The following RBFOX1 variants were observed in gnomAD, a reference collection of about 807,000 sequenced individuals.
RBFOX1 encodes RNA binding fox-1 homolog 1.
In RBFOX1, 8 loss-of-function variants were observed where a neutral mutation model predicts 57.7. The ratio of observed to expected loss-of-function variants is 0.14; its 90% CI spans 0.08 to 0.25. The LOEUF is 0.25. Ranked by LOEUF, RBFOX1 falls within the 10% of genes least tolerant of loss-of-function variation. The pLI, the probability that RBFOX1 is intolerant of heterozygous loss-of-function variation, is 1.00. For missense variants in RBFOX1, 611 were observed against 548.5 expected, an observed-to-expected ratio of 1.11 and a Z score of -1.14; for synonymous variants, 326 against 222.4, an observed-to-expected ratio of 1.47 and a Z score of -4.15.
chr16:6,873,190 CGAG>C (rs2061253442), intron 3 of RBFOX1, among the ~76,000 whole-genome samples: 1 of 150,180 alleles, frequency 6.7e-6, no homozygotes, highest in Admixed American at 6.6e-5. Flanking sequence ...AAGGAATAAA[CGAG>C]GAGTAGAGAT....
At position 5,946,749 on chromosome 16, in the gene RBFOX1, C is replaced by T. The variant is rs750780434; in HGVS notation, c.351+79414C>T. ...GTGGGGCCAGTCTTGTGGGACTGGG[C>T]CCTCAACCTGTGGAATCTGATTCTA... On this transcript the variant is annotated intron_variant, in intron 4 of 19. Coordinates refer to the RBFOX1 transcript ENST00000641259. This position sits in a 1 kb window ranked among gnomAD's most constrained non-coding sequence, Gnocchi z 4.6. Among the ~76,000 whole-genome samples, 3 of 152,084 alleles carry T rather than the reference C, an allele frequency of 2.0e-5. No homozygotes were observed. The highest frequency in any genetic ancestry group is 4.4e-5 in the Non-Finnish European group (3 of 68,020).
At chr16:6,951,488 G>A (rs1447535609) in intron 3 of RBFOX1, among the ~76,000 whole-genome samples, 1 of 152,094 alleles carries the variant, frequency 6.6e-6, no homozygotes. Context: ...GGCTGAGTCT[G>A]GGGTGGTTTT....
chr16:5,254,890 T>C (rs2062544703), intron 1 of RBFOX1, among the ~76,000 whole-genome samples: 1 of 152,118 alleles, frequency 6.6e-6, no homozygotes, highest in Non-Finnish European at 1.5e-5. Context: ...AGGGTGAGCC[T>C]TTTGGGGTGA....
chr16:6,790,734 C>T (rs1039795058), intron 3 of RBFOX1, among the ~76,000 whole-genome samples: 1 of 152,116 alleles, frequency 6.6e-6, no homozygotes, highest in Non-Finnish European at 1.5e-5. Flanking sequence ...TTCTTCTTCT[C>T]CTGTGTCTCT....
chr16:5,807,012 C>G (rs1469996934), intron 3 of RBFOX1, among the ~76,000 whole-genome samples: 1 of 152,080 alleles, frequency 6.6e-6, no homozygotes, highest in Non-Finnish European at 1.5e-5. Context: ...GCTAGAGCTA[C>G]CCCCCGACAC....
intron 5 of RBFOX1, among the ~76,000 whole-genome samples, chr16:7,576,386 G>C (rs2093342245): frequency 6.6e-6 from 1 of 152,202 alleles, no homozygotes; most frequent in Admixed American, 6.5e-5. Context: ...GGCTGAAAGA[G>C]ATTTCCTTTT....
chr16:6,921,900 G>A (rs1188232614), intron 3 of RBFOX1, among the ~76,000 whole-genome samples: 1 of 152,108 alleles, frequency 6.6e-6, no homozygotes, highest in African/African-American at 2.4e-5. Context: ...TTATGCAAGG[G>A]TGAGAACACA....
At chr16:7,430,000 A>G (rs543870192) in intron 4 of RBFOX1, among the ~76,000 whole-genome samples, 16 of 152,320 alleles carry the variant, frequency 1.1e-4, no homozygotes, top group Admixed American at 2.6e-4. Flanking sequence ...CTCTTGGTCT[A>G]GGGCCATTTG....
chr16:6,887,558 T>A (rs1035247145), intron 3 of RBFOX1, among the ~76,000 whole-genome samples: 1 of 140,804 alleles, frequency 7.1e-6, no homozygotes. Flanking sequence ...AAAACACATA[T>A]ACTTTTTTTT....
At chr16:7,092,524 C>T (rs2061029741) in intron 4 of RBFOX1, among the ~76,000 whole-genome samples, 1 of 152,162 alleles carries the variant, frequency 6.6e-6, no homozygotes, top group Non-Finnish European at 1.5e-5. Flanking sequence ...ATGGCGATTC[C>T]AGAACTTATT....
chr16:6,785,044 T>C (rs961435378), intron 3 of RBFOX1, among the ~76,000 whole-genome samples: 1 of 152,132 alleles, frequency 6.6e-6, no homozygotes, highest in African/African-American at 2.4e-5. Flanking sequence ...AAAATAGGCA[T>C]TTAACATAAA....
chr16:7,137,708 C>A (rs2072431183), intron 4 of RBFOX1, among the ~76,000 whole-genome samples: 1 of 152,152 alleles, frequency 6.6e-6, no homozygotes, highest in African/African-American at 2.4e-5. Flanking sequence ...GTGACAACAG[C>A]AACTTAACTC....
intron 2 of RBFOX1, among the ~76,000 whole-genome samples, chr16:6,602,950 C>T (rs971440242): frequency 6.6e-6 from 1 of 152,154 alleles, no homozygotes; most frequent in Admixed American, 6.5e-5. Flanking sequence ...GGAATCCTGA[C>T]TTGAGCCGGT....
intron 4 of RBFOX1, among the ~76,000 whole-genome samples, chr16:7,232,840 C>T (rs553183181): frequency 1.6e-5 from 2 of 121,690 alleles, no homozygotes; most frequent in Non-Finnish European, 3.2e-5. Flanking sequence ...AAGAGTGAAA[C>T]TTCATCTCTT....
rs758756491 is a variant in RBFOX1, at chr16:5,263,072, C to CGGT, written c.219+22991_219+22993dup. ...GGTTTTGCTAACAATGGCAGGGTGA[C>CGGT]GGTGGTGGTGGTGGTGGTGGTGGTG... is the stretch of plus-strand genomic sequence containing the variant. On this transcript the variant is annotated intron_variant, in intron 1 of 2. Transcript: ENST00000585867. Among the ~76,000 whole-genome samples the CGGT allele has an allele frequency of 5.7e-3, 818 of 143,142 alleles. 5 individuals carry two copies. Among genetic ancestry groups the CGGT allele is most frequent in the African/African-American group, 0.018 (733 of 39,740 alleles). The allele number at this position is 143,142 out of a possible 152,430, so 93.9% of individuals were successfully genotyped here. A position where few individuals can be genotyped will look rare whatever the true frequency, so the allele number is the denominator to read the frequency against.
intron 2 of RBFOX1, among the ~76,000 whole-genome samples, chr16:5,558,913 C>T (rs534445865): frequency 6.6e-6 from 1 of 152,218 alleles, no homozygotes; most frequent in East Asian, 1.9e-4. Context: ...TCTGGGACCA[C>T]CCCTTAGATA....
chr16:6,176,185 C>A (rs938951054), intron 1 of RBFOX1, among the ~76,000 whole-genome samples: 2 of 151,994 alleles, frequency 1.3e-5, no homozygotes, highest in Admixed American at 6.6e-5. Flanking sequence ...TGCTCTGTCA[C>A]CCACGTTGGA....
intron 4 of RBFOX1, among the ~76,000 whole-genome samples, chr16:7,141,253 A>G (rs1418457276): frequency 1.3e-5 from 2 of 152,160 alleles, no homozygotes; most frequent in Non-Finnish European, 2.9e-5. Flanking sequence ...CTGCCCTTCA[A>G]GGAGTTAAGT....
At chr16:7,167,850 A>C (rs1406168927) in intron 4 of RBFOX1, among the ~76,000 whole-genome samples, 1 of 88,446 alleles carries the variant, frequency 1.1e-5, no homozygotes, top group East Asian at 3.9e-4. Flanking sequence ...TAAAATATTT[A>C]CTATCTGGCC....
Sources: allele counts gnomAD v4.1 joint callset (sites outside exome capture counted in the v4.1 genomes callset), GRCh38; gene constraint gnomAD v4.1.1; non-coding constraint Gnocchi (gnomAD v3.1); transcripts MANE v1.5; gene names NCBI Gene and HGNC (gene_info 2026-07-23, HGNC 2026-07-21).